Variants in FAF1 observed in about 807,000 individuals in gnomAD.
FAF1 encodes the protein FAS-associated factor 1.
Under a neutral mutation model 92.5 loss-of-function variants are expected in FAF1, and 25 were observed. The ratio of observed to expected loss-of-function variants is 0.27; its 90% CI spans 0.20 to 0.38. The LOEUF (loss-of-function observed/expected upper bound fraction) is 0.38. FAF1 is among the 10% of genes least tolerant of loss of function. FAF1 has a pLI of 1.00. For synonymous variants in FAF1, 234 were observed against 273.2 expected, an observed-to-expected ratio of 0.86 and a Z score of 1.42; for missense variants, 636 against 793.3, an observed-to-expected ratio of 0.80 and a Z score of 2.38.
intron 1 of FAF1, among the ~76,000 whole-genome samples, chr1:50,889,658 C>A (rs1236509898): frequency 6.6e-6 from 1 of 152,178 alleles, no homozygotes; most frequent in Non-Finnish European, 1.5e-5. Context: ...GTTCAGTTTC[C>A]ATGTAGTTGA....
intron 7 of FAF1, among the ~76,000 whole-genome samples, chr1:50,687,505 T>G (rs1256443514): frequency 5.3e-5 from 8 of 152,048 alleles, no homozygotes; most frequent in Non-Finnish European, 1.2e-4. Context: ...ATTCCAGCAC[T>G]TTGGGAGACT....
At chr1:50,910,008 G>C (rs1343123460) in intron 1 of FAF1, among the ~76,000 whole-genome samples, 1 of 152,184 alleles carries the variant, frequency 6.6e-6, no homozygotes, top group Non-Finnish European at 1.5e-5. Flanking sequence ...CGCCATCTTT[G>C]TGTTTTTATC....
At chr1:50,447,166 T>C (rs1017928746) in intron 18 of FAF1, among the ~76,000 whole-genome samples, 36 of 144,872 alleles carry the variant, frequency 2.5e-4, no homozygotes, top group African/African-American at 8.1e-4. Context: ...CCCTCTGTTG[T>C]CCAGGCTGGA....
intron 1 of FAF1, among the ~76,000 whole-genome samples, chr1:50,873,681 T>C (rs1450152738): frequency 2.0e-5 from 3 of 152,218 alleles, no homozygotes; most frequent in Non-Finnish European, 4.4e-5. Flanking sequence ...GAAAAACCTG[T>C]GCCTTAATTT....
intron 8 of FAF1, among the ~76,000 whole-genome samples, chr1:50,604,101 T>C (rs1652268557): frequency 6.6e-6 from 1 of 152,204 alleles, no homozygotes; most frequent in Admixed American, 6.5e-5. Context: ...ATGGCTGCTA[T>C]ACATGGCTTC....
chr1:50,886,585 G>A (rs1356416728), intron 1 of FAF1, among the ~76,000 whole-genome samples: 2 of 151,358 alleles, frequency 1.3e-5, no homozygotes, highest in African/African-American at 2.4e-5. Flanking sequence ...GGGTCCATGT[G>A]TTCTCATTGA....
intron 8 of FAF1, among the ~76,000 whole-genome samples, chr1:50,627,054 A>G (rs938806837): frequency 6.6e-6 from 1 of 152,158 alleles, no homozygotes; most frequent in African/African-American, 2.4e-5. Context: ...TATGAATTCA[A>G]TTTTGGATAT....
intron 8 of FAF1, among the ~76,000 whole-genome samples, chr1:50,639,363 G>A (rs1046186628): frequency 2.0e-5 from 3 of 152,166 alleles, no homozygotes; most frequent in Admixed American, 2.0e-4. Context: ...AGCAGCTGCC[G>A]CTGTTTTCCA....
intron 1 of FAF1, among the ~76,000 whole-genome samples, chr1:50,929,071 C>CAAAAAAAAA (rs59078269): frequency 1.4e-4 from 5 of 36,778 alleles, no homozygotes; most frequent in Non-Finnish European, 1.6e-4. Flanking sequence ...GACACTGTCT[C>CAAAAAAAAA]AAAAAAAAAA....
At chr1:50,731,488 G>T (rs892018180) in intron 6 of FAF1, among the ~76,000 whole-genome samples, 1 of 150,812 alleles carries the variant, frequency 6.6e-6, no homozygotes. Flanking sequence ...TCCTGCCTCA[G>T]CCTCCCCAGT....
chr1:50,868,816 C>T (rs72904725), intron 1 of FAF1, among the ~76,000 whole-genome samples: 13,172 of 152,010 alleles, frequency 0.087, 590 homozygotes, highest in African/African-American at 0.098. Context: ...ACTTAATAGC[C>T]CAATAATCTG....
intron 3 of FAF1, among the ~76,000 whole-genome samples, chr1:50,792,919 A>C (rs1661615379): frequency 6.6e-6 from 1 of 152,224 alleles, no homozygotes; most frequent in Admixed American, 6.5e-5. Context: ...GGCAATCAGA[A>C]GGTTGTGATG....
At chr1:50,631,573 T>G (rs1653791477) in intron 8 of FAF1, among the ~76,000 whole-genome samples, 1 of 152,202 alleles carries the variant, frequency 6.6e-6, no homozygotes. Flanking sequence ...GTGCTTCCTT[T>G]AAGTGAAAAG....
At chr1:50,470,281 A>T (rs907634282) in intron 18 of FAF1, among the ~76,000 whole-genome samples, 3 of 152,218 alleles carry the variant, frequency 2.0e-5, no homozygotes, top group African/African-American at 7.2e-5. Flanking sequence ...ATAATTTATT[A>T]ACAGTTTTTA....
At chr1:50,867,087 A>G (rs1271499413) in intron 1 of FAF1, among the ~76,000 whole-genome samples, 1 of 152,192 alleles carries the variant, frequency 6.6e-6, no homozygotes, top group African/African-American at 2.4e-5. Flanking sequence ...AAAGTGTGGA[A>G]AGAACACCCT....
chr1:50,743,832 G>A (rs1476747111), intron 5 of FAF1, among the ~76,000 whole-genome samples: 1 of 151,776 alleles, frequency 6.6e-6, no homozygotes, highest in Non-Finnish European at 1.5e-5. Flanking sequence ...CAGCACTTTG[G>A]AAGGCCGAGG....
intron 7 of FAF1, among the ~76,000 whole-genome samples, chr1:50,688,862 A>G (rs1234045634): frequency 6.6e-6 from 1 of 152,140 alleles, no homozygotes; most frequent in Non-Finnish European, 1.5e-5. Flanking sequence ...AAATTCTATC[A>G]TGTGCTACAA....
In FAF1 at chr1:50,664,060, C is replaced by T. The variant is rs886579450; in HGVS notation, c.658-8532G>A. Among the ~76,000 whole-genome samples the T allele has an allele frequency of 2.7e-4, 40 of 147,266 alleles. 2 individuals are homozygous for T. The highest frequency in any genetic ancestry group is 9.0e-4 in the African/African-American group (35 of 38,776). ...GTCACCAGGCTGGAGTGTAGTGACG[C>T]GATCTTGGCTCACTGCAACTTCTGC... is the stretch of plus-strand genomic sequence containing the variant. On this transcript the variant is annotated intron_variant, in intron 7 of 18. Coordinates refer to ENST00000396153, the MANE Select transcript of FAF1 (RefSeq NM_007051.3).
chr1:50,707,133 G>A (rs1444922340), intron 6 of FAF1, among the ~76,000 whole-genome samples: 3 of 151,362 alleles, frequency 2.0e-5, no homozygotes, highest in African/African-American at 2.4e-5. Context: ...AACCTGGGAG[G>A]TGGAGGTTGC....
Sources: gnomAD v4.1 joint callset for allele counts (sites outside exome capture counted in the v4.1 genomes callset) on GRCh38, gnomAD v4.1.1 for gene constraint, MANE v1.5 for transcripts, NCBI Gene and HGNC (gene_info 2026-07-23, HGNC 2026-07-21) for gene names.